Variants in RPH3A observed in about 807,000 individuals in gnomAD.
RPH3A encodes the protein rabphilin-3A.
In RPH3A, 48 loss-of-function variants were observed where a neutral mutation model predicts 102.2. The ratio of observed to expected loss-of-function variants is 0.47; its 90% CI spans 0.37 to 0.60. The LOEUF (loss-of-function observed/expected upper bound fraction) is 0.60. Among genes scored for constraint, RPH3A ranks in the 20% least tolerant of loss-of-function variants. The pLI is 0.00. For missense variants in RPH3A, 781 were observed against 910.1 expected, an observed-to-expected ratio of 0.86 and a Z score of 1.83; for synonymous variants, 310 against 324.3, an observed-to-expected ratio of 0.96 and a Z score of 0.47.
chr12:112,710,629 T>C (rs2040454373), intron 1 of RPH3A, among the ~76,000 whole-genome samples: 2 of 152,150 alleles, frequency 1.3e-5, no homozygotes, highest in Non-Finnish European at 1.5e-5. Flanking sequence ...CACTTGTACA[T>C]AACAAATGAG....
rs534855891 is a variant in RPH3A, at chr12:112,589,627, C to T, written c.-140+14308C>T. 5.3e-5 allele frequency among the ~76,000 whole-genome samples: 8 copies of T among 152,252 alleles called. No homozygotes were observed. In the East Asian group the frequency reaches 5.8e-4, roughly 11 times the overall value. ...TCACTTTCTAGCCATCTCTGGCTTG[C>T]GTTATTTCTTTTTAATCACAACAAT... On this transcript the variant is annotated intron_variant, in intron 1 of 21. Coordinates refer to the RPH3A transcript ENST00000543106.
rs74806366 is a variant in RPH3A, at chr12:112,767,748, G to A, written c.-139-24395G>A. ...GTATCATCCTCACAGGACTTTGGTG[G>A]GAATTTAAGAAGATGGGGCATATTA... is the stretch of plus-strand genomic sequence containing the variant. On this transcript the variant is annotated intron_variant, in intron 1 of 21. Transcript: ENST00000543106. Among the ~76,000 whole-genome samples the A allele has an allele frequency of 3.4e-3, 520 of 152,142 alleles. 5 individuals are homozygous for A. The highest frequency in any genetic ancestry group is 0.012 in the African/African-American group (482 of 41,472).
intron 4 of RPH3A, among the ~76,000 whole-genome samples, chr12:112,842,634 TA>T (rs1565913782): frequency 6.6e-6 from 1 of 152,250 alleles, no homozygotes; most frequent in Non-Finnish European, 1.5e-5. Context: ...AGCAGCTAGC[TA>T]ATGAGTTACT....
chr12:112,694,522 T>G (rs1051041101), intron 1 of RPH3A, among the ~76,000 whole-genome samples: 1 of 150,218 alleles, frequency 6.7e-6, no homozygotes, highest in Non-Finnish European at 1.5e-5. Context: ...AGCAGCAGCA[T>G]AAGAAAGGAC....
At chr12:112,881,694 G>C in intron 14 of RPH3A, 78 bp from the exon 15 acceptor site, 1 of 986,226 alleles carries the variant, frequency 1.0e-6, no homozygotes, top group Non-Finnish European at 1.5e-6. Context: ...CAGATGCCAG[G>C]GGCTATGCCC....
intron 2 of RPH3A, among the ~76,000 whole-genome samples, chr12:112,797,599 AG>A (rs1320509784): frequency 7.2e-5 from 11 of 152,096 alleles, no homozygotes; most frequent in Non-Finnish European, 1.6e-4. Flanking sequence ...TCAGTTTCTC[AG>A]GTAGATTTGT....
At position 112,898,363 on chromosome 12, in the gene RPH3A, A is replaced by T. The variant is rs1287817294; in HGVS notation, c.*1583A>T. ...TCCCTCATGAAAATCACTCCCAGTC[A>T]TCCCAAACCCCTGACATTCTCTACA... On this transcript the variant is annotated 3_prime_UTR_variant, in exon 22 of 22. Coordinates refer to ENST00000389385, the MANE Select transcript of RPH3A (RefSeq NM_001143854.2). 6.6e-6 allele frequency: 1 copy of T among 152,172 alleles called. No homozygotes were observed. The highest frequency in any genetic ancestry group is 2.4e-5 in the African/African-American group (1 of 41,434). 9.4% of individuals were successfully genotyped at this position (152,172 alleles called of 1,614,324 possible). A position where few individuals can be genotyped will look rare whatever the true frequency, so the allele number is the denominator to read the frequency against.
chr12:112,712,757 A>T (rs1032910694), intron 1 of RPH3A, among the ~76,000 whole-genome samples: 1 of 151,704 alleles, frequency 6.6e-6, no homozygotes, highest in African/African-American at 2.4e-5. Context: ...TGTTGCCCAG[A>T]CTGGAGTGCA....
intron 1 of RPH3A, among the ~76,000 whole-genome samples, chr12:112,668,829 A>G (rs1349667758): frequency 6.6e-6 from 1 of 152,148 alleles, no homozygotes; most frequent in East Asian, 1.9e-4. Context: ...TAAAAAAAAA[A>G]AGTAAGTGGA....
chr12:112,807,678 A>T (rs1015333172), intron 2 of RPH3A, among the ~76,000 whole-genome samples: 3 of 152,180 alleles, frequency 2.0e-5, no homozygotes, highest in African/African-American at 7.2e-5. Context: ...CTCAGTAAAC[A>T]TTAGTCACTC....
At chr12:112,686,483 G>C (rs546741472) in intron 1 of RPH3A, among the ~76,000 whole-genome samples, 1 of 152,150 alleles carries the variant, frequency 6.6e-6, no homozygotes, top group Non-Finnish European at 1.5e-5. Context: ...AAAAGTGCTC[G>C]TGCATCAGGG....
At chr12:112,873,982 T>A (rs2042750534) in intron 10 of RPH3A, 1 of 152,190 alleles carries the variant, frequency 6.6e-6, no homozygotes, top group African/African-American at 2.4e-5. Context: ...AATGGACAAA[T>A]GAACAGGGCC....
chr12:112,617,125 T>C (rs1592909327), intron 1 of RPH3A, among the ~76,000 whole-genome samples: 1 of 152,308 alleles, frequency 6.6e-6, no homozygotes, highest in East Asian at 1.9e-4. Flanking sequence ...TCTCCCTGTT[T>C]GAAGCACATC....
At chr12:112,596,731 C>T (rs2039519798) in intron 1 of RPH3A, among the ~76,000 whole-genome samples, 1 of 152,110 alleles carries the variant, frequency 6.6e-6, no homozygotes, top group African/African-American at 2.4e-5. Flanking sequence ...ATTTTAGAAT[C>T]AGCTAATAAA....
intron 1 of RPH3A, among the ~76,000 whole-genome samples, chr12:112,696,075 G>A (rs1480691522): frequency 6.6e-6 from 1 of 152,120 alleles, no homozygotes; most frequent in Non-Finnish European, 1.5e-5. Flanking sequence ...TTATAAGCAA[G>A]AGCATACTAT....
chr12:112,578,258 GT>G (rs1391656636), intron 1 of RPH3A, among the ~76,000 whole-genome samples: 1 of 152,138 alleles, frequency 6.6e-6, no homozygotes, highest in Non-Finnish European at 1.5e-5. Flanking sequence ...CCCAGCAATA[GT>G]GGCTGTCTGT....
chr12:112,621,564 C>T (rs7132856), intron 1 of RPH3A, among the ~76,000 whole-genome samples: 27,751 of 129,366 alleles, frequency 0.21, 3,702 homozygotes, highest in East Asian at 0.59. Flanking sequence ...CCTACGCCCA[C>T]GGAGTCTCTC....
At chr12:112,599,803 T>C (rs2039545900) in intron 1 of RPH3A, among the ~76,000 whole-genome samples, 1 of 152,214 alleles carries the variant, frequency 6.6e-6, no homozygotes, top group African/African-American at 2.4e-5. Flanking sequence ...TTTCTTAAAC[T>C]TTCTTAGGGG....
chr12:112,606,937 C>T (rs146829242), intron 1 of RPH3A, among the ~76,000 whole-genome samples: 9 of 152,148 alleles, frequency 5.9e-5, no homozygotes, highest in Admixed American at 2.0e-4. Context: ...AGATCCAAAC[C>T]ACATCAGCAA....
Sources: gnomAD v4.1 joint callset for allele counts (sites outside exome capture counted in the v4.1 genomes callset) on GRCh38, gnomAD v4.1.1 for gene constraint, MANE v1.5 for transcripts, NCBI Gene and HGNC (gene_info 2026-07-23, HGNC 2026-07-21) for gene names.